The following CSMD2 variants were observed in gnomAD, a reference collection of about 807,000 sequenced individuals.
The protein encoded by CSMD2 is CUB and Sushi multiple domains 2, also known as CUB and sushi domain-containing protein 2.
Under a neutral mutation model 398.5 loss-of-function variants are expected in CSMD2, and 130 were observed. The ratio of observed to expected loss-of-function variants is 0.33; its 90% CI spans 0.28 to 0.38. The LOEUF (loss-of-function observed/expected upper bound fraction) is 0.38. Among genes scored for constraint, CSMD2 ranks in the 10% least tolerant of loss-of-function variants. The pLI is 1.00. For missense variants in CSMD2, 3,829 were observed against 4,764.9 expected (o/e 0.80, Z 5.78); for synonymous variants, 1,828 against 1,908.5 (o/e 0.96, Z 1.10).
At chr1:34,075,821 A>G (rs1348057153) in intron 2 of CSMD2, among the ~76,000 whole-genome samples, 3 of 152,126 alleles carry the variant, frequency 2.0e-5, no homozygotes, top group Non-Finnish European at 4.4e-5. Flanking sequence ...AGACGTGGGG[A>G]TTGTTTCAGT....
intron 5 of CSMD2, among the ~76,000 whole-genome samples, chr1:33,914,080 C>T (rs1180319506): frequency 6.6e-6 from 1 of 152,048 alleles, no homozygotes; most frequent in Non-Finnish European, 1.5e-5. Context: ...AGTCCTGGGG[C>T]TTCATGAGGA....
chr1:33,554,209 T>TTTTTA (rs34025820), intron 55 of CSMD2, among the ~76,000 whole-genome samples: 2 of 110,752 alleles, frequency 1.8e-5, no homozygotes, highest in African/African-American at 6.3e-5. Flanking sequence ...TTTTTTTTTT[T>TTTTTA]GAGACAGAGT....
At chr1:34,116,895 T>C (rs1661654336) in intron 1 of CSMD2, among the ~76,000 whole-genome samples, 1 of 151,876 alleles carries the variant, frequency 6.6e-6, no homozygotes, top group Non-Finnish European at 1.5e-5. Context: ...GAAGAACCAA[T>C]GGGTCAAAGA....
intron 14 of CSMD2, among the ~76,000 whole-genome samples, chr1:33,742,777 C>T (rs1647124109): frequency 6.6e-6 from 1 of 152,084 alleles, no homozygotes; most frequent in Non-Finnish European, 1.5e-5. Flanking sequence ...AGAAGTGTTG[C>T]TCCAAAGCTT....
intron 5 of CSMD2, among the ~76,000 whole-genome samples, chr1:33,916,709 G>C (rs185799717): frequency 1.3e-5 from 2 of 152,138 alleles, no homozygotes; most frequent in Admixed American, 6.5e-5. Flanking sequence ...GCTTATGCTA[G>C]TTCCCAAATC....
At chr1:33,851,177 C>T (rs908064968) in intron 5 of CSMD2, among the ~76,000 whole-genome samples, 1 of 152,166 alleles carries the variant, frequency 6.6e-6, no homozygotes, top group Admixed American at 6.5e-5. Context: ...AGGCACTGTG[C>T]TCGCAAGTGA....
At chr1:33,554,704 A>C (rs1657797547) in intron 55 of CSMD2, among the ~76,000 whole-genome samples, 1 of 152,184 alleles carries the variant, frequency 6.6e-6, no homozygotes, top group East Asian at 1.9e-4. Context: ...TAAATGGAAC[A>C]ACAAAGCCTG....
At chr1:33,701,261 C>T (rs970215262) in intron 22 of CSMD2, among the ~76,000 whole-genome samples, 1 of 152,194 alleles carries the variant, frequency 6.6e-6, no homozygotes, top group Non-Finnish European at 1.5e-5. Context: ...CCCTTCCCTC[C>T]TAAAATGAGG....
intron 5 of CSMD2, among the ~76,000 whole-genome samples, chr1:33,897,493 C>A (rs564975684): frequency 6.6e-6 from 1 of 152,226 alleles, no homozygotes; most frequent in South Asian, 2.1e-4. Flanking sequence ...GGTAAACAAG[C>A]TGCTGCTGCT....
chr1:33,611,380 T>A, intron 40 of CSMD2, 130 bp from the exon 41 acceptor site: 2 of 760,316 alleles, frequency 2.6e-6, no homozygotes, highest in Non-Finnish European at 2.2e-6. Flanking sequence ...CCAAGGCTCC[T>A]AGAACTGGCT....
At chr1:33,612,543 T>G (rs887297250) in intron 40 of CSMD2, among the ~76,000 whole-genome samples, 1 of 152,230 alleles carries the variant, frequency 6.6e-6, no homozygotes, top group Non-Finnish European at 1.5e-5. Context: ...TCAAGGTCTA[T>G]CCATGTTAAT....
intron 1 of CSMD2, among the ~76,000 whole-genome samples, chr1:34,143,089 A>G (rs187441763): frequency 6.2e-4 from 94 of 152,230 alleles, no homozygotes; most frequent in African/African-American, 2.2e-3. Context: ...ATCTCAGACT[A>G]TGTCTATAAA....
At position 33,533,922 on chromosome 1, in the gene CSMD2, A is replaced by G; in HGVS notation, c.9880-15T>C. The stretch of plus-strand genomic sequence containing the variant: ...GTGCTTCCAACCTGCGGCAAGATAC[A>G]AAGTCCCATCAGCCCCTTCCTTTCA... On this transcript the variant is annotated splice_polypyrimidine_tract_variant and intron_variant, in intron 62 of 70. Transcript: ENST00000373381. This position sits in a 1 kb window ranked among gnomAD's most constrained non-coding sequence, Gnocchi z 4.2. The G allele has an allele frequency of 6.4e-7, 1 of 1,560,786 alleles. No individual in the cohort carries two copies.
At chr1:33,843,058 G>C (rs968520933) in intron 6 of CSMD2, among the ~76,000 whole-genome samples, 1 of 152,156 alleles carries the variant, frequency 6.6e-6, no homozygotes, top group Non-Finnish European at 1.5e-5. Context: ...TCTAGCCCAG[G>C]AACTCTTAAT....
intron 3 of CSMD2, among the ~76,000 whole-genome samples, chr1:34,011,922 G>A (rs575016451): frequency 2.6e-5 from 4 of 152,078 alleles, no homozygotes; most frequent in East Asian, 3.9e-4. Flanking sequence ...TCTGAGTGAC[G>A]AGATGAGTTA....
At chr1:33,637,154 T>G (rs1199245759) in intron 29 of CSMD2, among the ~76,000 whole-genome samples, 1 of 152,206 alleles carries the variant, frequency 6.6e-6, no homozygotes, top group East Asian at 1.9e-4. Flanking sequence ...CATACCCATC[T>G]GTTGCAGGTT....
chr1:33,760,553 T>G (rs1022796492), intron 13 of CSMD2, among the ~76,000 whole-genome samples: 14 of 152,188 alleles, frequency 9.2e-5, no homozygotes, highest in African/African-American at 3.4e-4. Flanking sequence ...GGGGTTTGCA[T>G]GTATTTTTCA....
intron 48 of CSMD2, 64 bp from the exon 49 acceptor site, chr1:33,577,548 CA>C: frequency 7.0e-7 from 1 of 1,419,594 alleles, no homozygotes; most frequent in Non-Finnish European, 9.5e-7. Flanking sequence ...GTCTTTCATG[CA>C]GGCCCCTTTC....
chr1:33,883,081 C>A (rs1641343977), intron 5 of CSMD2, among the ~76,000 whole-genome samples: 2 of 152,318 alleles, frequency 1.3e-5, no homozygotes, highest in South Asian at 4.1e-4. Flanking sequence ...GAAGCTATTC[C>A]ATTTTATTAC....
Sources: gnomAD v4.1 joint callset for allele counts (sites outside exome capture counted in the v4.1 genomes callset) on GRCh38, gnomAD v4.1.1 for gene constraint, Gnocchi (gnomAD v3.1) non-coding constraint, MANE v1.5 for transcripts, NCBI Gene and HGNC (gene_info 2026-07-23, HGNC 2026-07-21) for gene names.